RERE: variants seen among roughly 807,000 people sequenced by gnomAD.
RERE encodes the protein arginine-glutamic acid dipeptide repeats, also known as arginine-glutamic acid dipeptide repeats protein.
In RERE, 40 loss-of-function variants were observed where a neutral mutation model predicts 146.1. The observed-to-expected ratio is 0.27, with a 90% CI of 0.21 to 0.36. The LOEUF is 0.36. Ranked by LOEUF, RERE falls within the 10% of genes least tolerant of loss-of-function variation. The pLI is 1.00. For missense variants in RERE, 1,933 were observed against 2,138.7 expected (o/e 0.90, Z 1.90); for synonymous variants, 1,003 against 866.0 (o/e 1.16, Z -2.78).
At chr1:8,542,255 TA>T (rs1645809015) in intron 6 of RERE, among the ~76,000 whole-genome samples, 1 of 152,112 alleles carries the variant, frequency 6.6e-6, no homozygotes, top group Non-Finnish European at 1.5e-5. Context: ...ACAGTGAGGT[TA>T]GATGGAAATG....
intron 1 of RERE, among the ~76,000 whole-genome samples, chr1:8,814,680 G>C (rs995654091): frequency 3.3e-5 from 5 of 152,056 alleles, no homozygotes; most frequent in African/African-American, 1.2e-4. Context: ...CCATAGAGTA[G>C]GTTTATTTGA....
chr1:8,664,953 T>C (rs1477711239), intron 1 of RERE, among the ~76,000 whole-genome samples: 2 of 152,198 alleles, frequency 1.3e-5, no homozygotes, highest in Non-Finnish European at 2.9e-5. Context: ...CAGTGACTCT[T>C]CACTTTGGTA....
intron 12 of RERE, among the ~76,000 whole-genome samples, chr1:8,421,721 A>G (rs1334638795): frequency 6.6e-6 from 1 of 152,156 alleles, no homozygotes; most frequent in Non-Finnish European, 1.5e-5. Flanking sequence ...CAATTAAAAA[A>G]TTAAGCCAAA....
chr1:8,431,428 G>A (rs966292425), intron 11 of RERE, among the ~76,000 whole-genome samples: 8 of 152,172 alleles, frequency 5.3e-5, no homozygotes, highest in African/African-American at 1.7e-4. Flanking sequence ...TCCAGTTGCA[G>A]GAAAACAAGC....
intron 3 of RERE, among the ~76,000 whole-genome samples, chr1:8,623,385 A>G (rs940741176): frequency 6.6e-6 from 1 of 152,236 alleles, no homozygotes; most frequent in Admixed American, 6.5e-5. Context: ...CGGGAGGCAG[A>G]GGCTGCGGTG....
chr1:8,772,913 AC>A (rs1640981608), intron 1 of RERE, among the ~76,000 whole-genome samples: 1 of 152,214 alleles, frequency 6.6e-6, no homozygotes, highest in African/African-American at 2.4e-5. Flanking sequence ...ACATAGTGAA[AC>A]CCCATCTACT....
intron 1 of RERE, among the ~76,000 whole-genome samples, chr1:8,729,216 G>A (rs867620515): frequency 4.7e-4 from 51 of 107,424 alleles, no homozygotes; most frequent in Admixed American, 9.2e-4. Flanking sequence ...CAGCTACACC[G>A]ATTTTTTTTT....
chr1:8,788,455 C>T (rs1161429976), intron 1 of RERE, among the ~76,000 whole-genome samples: 2 of 151,314 alleles, frequency 1.3e-5, no homozygotes, highest in African/African-American at 4.9e-5. Context: ...ACCACCTCCT[C>T]CCAAGTTCAA....
rs544618230 is a variant in RERE, at chr1:8,440,576, C to T, written c.1204-17769G>A. 1.1e-4 allele frequency among the ~76,000 whole-genome samples: 13 copies of T among 119,958 alleles called. No individual in the cohort carries two copies. The South Asian group carries it at 2.9e-3, about 27-fold the overall frequency. 78.7% of individuals were successfully genotyped at this position (119,958 alleles called of 152,430 possible). A position where few individuals can be genotyped will look rare whatever the true frequency, so the allele number is the denominator to read the frequency against. ...ACTGAACTCCAGCCTGGCGACAGAG[C>T]GAGACTCCACCTAAAAAAAAAAAAA... is the stretch of plus-strand genomic sequence containing the variant. On this transcript the variant is annotated intron_variant, in intron 11 of 22. Transcript: ENST00000400908.
rs904466583 is a variant in RERE, at chr1:8,356,762, G to A, written c.4340-516C>T. Among the ~76,000 whole-genome samples the A allele has an allele frequency of 2.0e-5, 3 of 152,144 alleles. No individual in the cohort carries two copies. Among genetic ancestry groups the A allele is most frequent in the African/African-American group, 4.8e-5 (2 of 41,444 alleles). ...TCCTCTCTGCTGGCACAAATCTTGCGTCTCTCCCTTCAGAACGTTGCCTTG... is the reference window on the plus strand; with the variant it reads ...TCCTCTCTGCTGGCACAAATCTTGCATCTCTCCCTTCAGAACGTTGCCTTG... On this transcript the variant is annotated intron_variant, in intron 20 of 22. Coordinates refer to ENST00000400908, the MANE Select transcript of RERE (RefSeq NM_001042681.2). The surrounding 1 kb of genome is among the most constrained non-coding windows in gnomAD (Gnocchi z 5.2).
At chr1:8,675,967 T>C (rs188779104) in intron 1 of RERE, among the ~76,000 whole-genome samples, 32 of 152,332 alleles carry the variant, frequency 2.1e-4, no homozygotes, top group African/African-American at 7.5e-4. Context: ...GTTTTGAATT[T>C]TGAAGCATTT....
intron 1 of RERE, among the ~76,000 whole-genome samples, chr1:8,707,300 T>C (rs910317277): frequency 1.3e-5 from 2 of 152,180 alleles, no homozygotes. Flanking sequence ...AAAGTCTAGT[T>C]AAACTAACAT....
intron 1 of RERE, among the ~76,000 whole-genome samples, chr1:8,701,826 C>T (rs1557490906): frequency 6.6e-6 from 1 of 152,122 alleles, no homozygotes; most frequent in African/African-American, 2.4e-5. Context: ...CTCTGCTGCC[C>T]CCACACTATT....
chr1:8,503,131 A>T (rs560061636), intron 8 of RERE, among the ~76,000 whole-genome samples: 95 of 145,744 alleles, frequency 6.5e-4, no homozygotes, highest in East Asian at 3.0e-3. Flanking sequence ...AATAAATAAA[A>T]AAGAATTGAT....
chr1:8,601,906 G>A (rs373795700), intron 4 of RERE, among the ~76,000 whole-genome samples: 4 of 152,186 alleles, frequency 2.6e-5, no homozygotes, highest in African/African-American at 9.6e-5. Flanking sequence ...GTGCAGCAGC[G>A]CTCTCCATTC....
In RERE at chr1:8,589,805, C is replaced by T. The variant is rs1646470150; in HGVS notation, c.522+24756G>A. Among the ~76,000 whole-genome samples, 9 of 152,330 alleles carry T rather than the reference C, an allele frequency of 5.9e-5. 1 individual carries two copies. In the South Asian group the frequency reaches 1.9e-3, roughly 32 times the overall value. On this transcript the variant is annotated intron_variant, in intron 4 of 22. Coordinates refer to ENST00000400908, the MANE Select transcript of RERE (RefSeq NM_001042681.2). ...AGGGCTTAGCCATTCCCAGGCACTG[C>T]TGAAATACTGCAAGACCAAATGTGG...
At chr1:8,577,598 G>T (rs1005811537) in intron 4 of RERE, among the ~76,000 whole-genome samples, 1 of 152,194 alleles carries the variant, frequency 6.6e-6, no homozygotes, top group African/African-American at 2.4e-5. Flanking sequence ...TGCTGACACA[G>T]ATCACTTGAG....
At chr1:8,389,610 T>G (rs895782351) in intron 12 of RERE, among the ~76,000 whole-genome samples, 1 of 152,032 alleles carries the variant, frequency 6.6e-6, no homozygotes, top group African/African-American at 2.4e-5. Context: ...CAAAAAACCA[T>G]GAGGAAGGGG....
rs869173167 is a variant in RERE, at chr1:8,774,951, C to CTTTTTTTT, written c.-145+42201_-145+42208dup. On this transcript the variant is annotated intron_variant, in intron 1 of 22. Transcript: ENST00000400908. ...TCATAGTAGCATTTCTTCTTTCTTT[C>CTTTTTTTT]TTTTTTTTTTTTTTTTTTTTTTTTT... is the stretch of plus-strand genomic sequence containing the variant. Among the ~76,000 whole-genome samples the CTTTTTTTT allele has an allele frequency of 3.6e-3, 172 of 47,924 alleles. 2 individuals are homozygous for CTTTTTTTT. Among genetic ancestry groups the CTTTTTTTT allele is most frequent in the Middle Eastern group, 0.011 (1 of 90 alleles). The allele number at this position is 47,924 out of a possible 152,430, so 31.4% of individuals were successfully genotyped here.
Sources: gnomAD v4.1 joint callset for allele counts (sites outside exome capture counted in the v4.1 genomes callset) on GRCh38, gnomAD v4.1.1 for gene constraint, Gnocchi (gnomAD v3.1) non-coding constraint, MANE v1.5 for transcripts, NCBI Gene and HGNC (gene_info 2026-07-23, HGNC 2026-07-21) for gene names.